The following PTK2B variants were observed in gnomAD, a reference collection of about 807,000 sequenced individuals.
PTK2B encodes the protein protein tyrosine kinase 2 beta, also known as protein-tyrosine kinase 2-beta.
In PTK2B, 71 loss-of-function variants were observed where a neutral mutation model predicts 142.9. The ratio of observed to expected loss-of-function variants is 0.50; its 90% CI spans 0.41 to 0.61. PTK2B has a LOEUF of 0.61. Ranked by LOEUF, PTK2B falls within the 20% of genes least tolerant of loss-of-function variation. PTK2B has a pLI of 0.00. For synonymous variants in PTK2B, 519 were observed against 503.4 expected, an observed-to-expected ratio of 1.03 and a Z score of -0.42; for missense variants, 1,105 against 1,320.4, an observed-to-expected ratio of 0.84 and a Z score of 2.53.
chr8:27,433,277 C>A (rs1810554222), intron 10 of PTK2B, 158 bp from the exon 11 acceptor site: 1 of 654,348 alleles, frequency 1.5e-6, no homozygotes, highest in Admixed American at 2.5e-5. Context: ...TGACAGAGTG[C>A]AGTCTGGACT....
At chr8:27,425,306 T>C (rs1269446867) in intron 5 of PTK2B, among the ~76,000 whole-genome samples, 1 of 152,006 alleles carries the variant, frequency 6.6e-6, no homozygotes, top group Admixed American at 6.6e-5. Flanking sequence ...TAACAAACCT[T>C]GCAGGGTTGT....
chr8:27,389,353 G>A (rs185299547), intron 1 of PTK2B, among the ~76,000 whole-genome samples: 114 of 152,212 alleles, frequency 7.5e-4, no homozygotes, highest in Non-Finnish European at 4.0e-4. Flanking sequence ...CAGCCAAAAG[G>A]CATTCATGAC....
intron 1 of PTK2B, among the ~76,000 whole-genome samples, chr8:27,352,819 G>A (rs1218676304): frequency 6.6e-6 from 1 of 152,138 alleles, no homozygotes; most frequent in African/African-American, 2.4e-5. Flanking sequence ...TAATTGTGAG[G>A]CTTCCCTAGC....
At chr8:27,384,881 C>T (rs955041216) in intron 1 of PTK2B, among the ~76,000 whole-genome samples, 8 of 152,076 alleles carry the variant, frequency 5.3e-5, no homozygotes, top group African/African-American at 1.7e-4. Flanking sequence ...CTAACAGCAA[C>T]GTTTTACCAT....
At chr8:27,360,101 G>C (rs1805612570) in intron 1 of PTK2B, among the ~76,000 whole-genome samples, 2 of 152,206 alleles carry the variant, frequency 1.3e-5, no homozygotes, top group South Asian at 4.1e-4. Flanking sequence ...GCATATGAAG[G>C]GGGAAGGGCC....
At chr8:27,357,042 C>G (rs567456739) in intron 1 of PTK2B, among the ~76,000 whole-genome samples, 2 of 152,252 alleles carry the variant, frequency 1.3e-5, no homozygotes, top group South Asian at 4.2e-4. Flanking sequence ...ATACATACCA[C>G]ACACACCCAC....
chr8:27,371,037 A>C (rs1806325399), intron 1 of PTK2B, among the ~76,000 whole-genome samples: 1 of 152,092 alleles, frequency 6.6e-6, no homozygotes, highest in Non-Finnish European at 1.5e-5. Flanking sequence ...ATGGGGCTAC[A>C]GGTGCTCGCC....
chr8:27,320,109 C>A (rs1478796674), intron 3 of PTK2B, among the ~76,000 whole-genome samples: 1 of 152,086 alleles, frequency 6.6e-6, no homozygotes, highest in Non-Finnish European at 1.5e-5. Context: ...AGTCTGGCCC[C>A]TCCTTTTCCT....
intron 1 of PTK2B, among the ~76,000 whole-genome samples, chr8:27,326,494 C>T (rs1268338673): frequency 6.6e-6 from 1 of 152,174 alleles, no homozygotes; most frequent in Non-Finnish European, 1.5e-5. Context: ...AATCCAAGTC[C>T]GCTCATTTAA....
chr8:27,380,158 C>A (rs1238812291), intron 1 of PTK2B, among the ~76,000 whole-genome samples: 1 of 152,118 alleles, frequency 6.6e-6, no homozygotes, highest in Non-Finnish European at 1.5e-5. Context: ...ACATCATGAT[C>A]CACAGGAGAC....
chr8:27,455,915 C>T (rs144052259), intron 30 of PTK2B, among the ~76,000 whole-genome samples: 523 of 152,328 alleles, frequency 3.4e-3, no homozygotes, highest in Middle Eastern at 0.017. Flanking sequence ...GCCAGCCCTG[C>T]GGCACAGATG....
intron 2 of PTK2B, among the ~76,000 whole-genome samples, chr8:27,399,514 A>C (rs1347179940): frequency 6.6e-6 from 1 of 152,226 alleles, no homozygotes; most frequent in Non-Finnish European, 1.5e-5. Flanking sequence ...ATGGACAGGC[A>C]CTAGGGAACA....
chr8:27,325,192 A>G (rs111368368), upstream of PTK2B, among the ~76,000 whole-genome samples: 80 of 152,280 alleles, frequency 5.3e-4, no homozygotes, highest in African/African-American at 1.9e-3. Flanking sequence ...CAGCCTGAGA[A>G]GTTGGTTTCC....
At chr8:27,434,383 C>T (rs1810637730) in intron 12 of PTK2B, 130 bp from the exon 13 acceptor site, 6 of 1,162,316 alleles carry the variant, frequency 5.2e-6, no homozygotes. Context: ...GGGCTGTGCT[C>T]CCAGGTCATT....
chr8:27,378,953 G>A (rs561660653), intron 1 of PTK2B, among the ~76,000 whole-genome samples: 2 of 152,204 alleles, frequency 1.3e-5, no homozygotes, highest in East Asian at 1.9e-4. Context: ...GGAAGAAAGG[G>A]CCCCGGCACC....
At chr8:27,405,682 G>A (rs1051531426) in intron 2 of PTK2B, among the ~76,000 whole-genome samples, 2 of 152,196 alleles carry the variant, frequency 1.3e-5, no homozygotes, top group Admixed American at 1.3e-4. Context: ...CGCAGGTTCC[G>A]GGCCTTTGTG....
intron 12 of PTK2B, 92 bp from the exon 13 acceptor site, chr8:27,434,421 A>AG (rs1353736994): frequency 2.0e-5 from 27 of 1,360,210 alleles, no homozygotes; most frequent in Admixed American, 4.4e-5. Flanking sequence ...ACTTCTCCAC[A>AG]GGGGGCAGGA....
At chr8:27,435,955 G>C (rs1270340178) in intron 14 of PTK2B, among the ~76,000 whole-genome samples, 162 bp downstream of exon 14, 5 of 152,168 alleles carry the variant, frequency 3.3e-5, no homozygotes, top group Non-Finnish European at 5.9e-5. Context: ...TTTGAAAGCT[G>C]AGATTTTTTT....
At chr8:27,314,995 G>A (rs1225165633) in intron 3 of PTK2B, among the ~76,000 whole-genome samples, 1 of 152,202 alleles carries the variant, frequency 6.6e-6, no homozygotes, top group Non-Finnish European at 1.5e-5. Context: ...GTGATTTGCA[G>A]TGAAACTTCA....
Sources: gnomAD v4.1 joint callset for allele counts (sites outside exome capture counted in the v4.1 genomes callset) on GRCh38, gnomAD v4.1.1 for gene constraint, MANE v1.5 for transcripts, NCBI Gene and HGNC (gene_info 2026-07-23, HGNC 2026-07-21) for gene names.